Variants in MMP24 observed in about 807,000 individuals in gnomAD.
MMP24 encodes matrix metalloproteinase-24.
MMP24 carries 25 observed loss-of-function variants against 62.8 expected under a neutral mutation model. The observed-to-expected ratio is 0.40, with a 90% CI of 0.29 to 0.56. The LOEUF (loss-of-function observed/expected upper bound fraction) is 0.56. Ranked by LOEUF, MMP24 falls within the 20% of genes least tolerant of loss-of-function variation. MMP24 has a pLI of 0.50. For synonymous variants in MMP24, 319 were observed against 350.5 expected (o/e 0.91, Z 1.00); for missense variants, 634 against 853.6 (o/e 0.74, Z 3.21).
intron 1 of MMP24, among the ~76,000 whole-genome samples, chr20:35,238,211 CATA>C (rs1232558501): frequency 6.6e-6 from 1 of 152,178 alleles, no homozygotes; most frequent in Non-Finnish European, 1.5e-5. Context: ...AAATGGGTAA[CATA>C]GTCAATTATA....
chr20:35,238,924 G>A (rs956922503), intron 1 of MMP24, among the ~76,000 whole-genome samples: 1 of 152,108 alleles, frequency 6.6e-6, no homozygotes, highest in East Asian at 1.9e-4. Flanking sequence ...TTTTAGACAT[G>A]GTCTCATTCT....
chr20:35,275,927 G>C lies in MMP24; in HGVS notation c.*1318G>C. ...CACTGTCTCCAGCAGGAGTTCCTAG[G>C]GCTTGGCCTGCCTTGCTCCACAGTA... is the stretch of plus-strand genomic sequence containing the variant. On this transcript the variant is annotated 3_prime_UTR_variant, in exon 9 of 9. Transcript: ENST00000246186. The C allele has an allele frequency of 2.5e-6, 1 of 398,378 alleles. No individual in the cohort carries two copies. The highest frequency in any genetic ancestry group is 3.6e-5 in the East Asian group (1 of 28,078). 24.7% of individuals were successfully genotyped at this position (398,378 alleles called of 1,614,324 possible).
Position 35,269,668 on chromosome 20 carries a change from G to A in MMP24, c.1195-92G>A, listed in dbSNP as rs1600805863. 15 of 1,435,324 alleles carry A rather than the reference G, an allele frequency of 1.0e-5. No homozygotes were observed. Among genetic ancestry groups the A allele is most frequent in the East Asian group, 1.0e-4 (4 of 40,120 alleles). The allele number at this position is 1,435,324 out of a possible 1,614,324, so 88.9% of individuals were successfully genotyped here. A position where few individuals can be genotyped will look rare whatever the true frequency, so the allele number is the denominator to read the frequency against. On this transcript the variant is annotated intron_variant, in intron 6 of 8. Coordinates refer to ENST00000246186, the MANE Select transcript of MMP24 (RefSeq NM_006690.4). This position sits in a 1 kb window ranked among gnomAD's most constrained non-coding sequence, Gnocchi z 4.6. The stretch of plus-strand genomic sequence containing the variant: ...TAATGGACAGTCTCGGTGGAGGGCT[G>A]GGCTGTTGGGACCTAAGCCCCACAG...
intron 6 of MMP24, chr20:35,267,784 C>T: frequency 6.8e-6 from 2 of 295,062 alleles, no homozygotes; most frequent in Non-Finnish European, 1.3e-5. Context: ...GTACCCGGCT[C>T]TGAAGATGGT....
intron 8 of MMP24, among the ~76,000 whole-genome samples, chr20:35,273,151 G>T (rs1444631869): frequency 6.6e-6 from 1 of 152,132 alleles, no homozygotes; most frequent in Non-Finnish European, 1.5e-5. Context: ...CCAGCACTTT[G>T]GGAGGCTGAG....
intron 2 of MMP24, among the ~76,000 whole-genome samples, chr20:35,248,896 G>A (rs1365650777): frequency 2.6e-5 from 4 of 152,148 alleles, no homozygotes; most frequent in South Asian, 2.1e-4. Context: ...TCTCTGCTGC[G>A]GCACCACCTG....
intron 8 of MMP24, among the ~76,000 whole-genome samples, chr20:35,273,769 G>A (rs2060686338): frequency 6.6e-6 from 1 of 152,182 alleles, no homozygotes; most frequent in Non-Finnish European, 1.5e-5. Context: ...CTCCCAGAAG[G>A]CTCCCAAAGG....
intron 1 of MMP24, among the ~76,000 whole-genome samples, chr20:35,245,820 A>C (rs1421980997): frequency 6.6e-6 from 1 of 152,062 alleles, no homozygotes; most frequent in Non-Finnish European, 1.5e-5. Flanking sequence ...AAAAAAAAAA[A>C]AAAAGAATAA....
rs146964838 is a variant in MMP24, at chr20:35,273,741, C to G, written c.1601-531C>G. Among the ~76,000 whole-genome samples the G allele has an allele frequency of 3.6e-3, 555 of 152,288 alleles. 5 individuals are homozygous for G. The highest frequency in any genetic ancestry group is 0.013 in the African/African-American group (534 of 41,568). On this transcript the variant is annotated intron_variant, in intron 8 of 8. Transcript: ENST00000246186. ...GGGTGGTTGCCCAGGGAGTGATTGG[C>G]AGGGCTGCCCAGCCTCTCTCCCAGA... is the stretch of plus-strand genomic sequence containing the variant.
At chr20:35,252,776 G>A (rs1050863721) in intron 3 of MMP24, among the ~76,000 whole-genome samples, 36 of 146,312 alleles carry the variant, frequency 2.5e-4, no homozygotes, top group Admixed American at 5.4e-4. Context: ...CAGGCATTGA[G>A]CAGGCTCAGG....
intron 5 of MMP24, among the ~76,000 whole-genome samples, chr20:35,265,715 A>AC (rs1190218011): frequency 6.7e-5 from 10 of 150,122 alleles, no homozygotes; most frequent in African/African-American, 2.0e-4. Context: ...CCCTGTCTCT[A>AC]CCCCCCCAAA....
chr20:35,271,581 G>A lies in MMP24; in HGVS notation c.1346G>A (p.Trp449Ter). The A allele has an allele frequency of 6.2e-7, 1 of 1,613,050 alleles. No individual in the cohort carries two copies. The highest frequency in any genetic ancestry group is 8.5e-7 in the Non-Finnish European group (1 of 1,179,562). The change falls in exon 8 of 9, where the codon TGG becomes TAG. Residue 449 changes from tryptophan (W) to a stop codon, truncating the protein, a stop_gained. Transcript: ENST00000246186. LOFTEE classifies it high-confidence loss of function. This position sits in a 1 kb window ranked among gnomAD's most constrained non-coding sequence, Gnocchi z 4.0. Reference protein sequence around the residue: ...RFVFFKGDKYWVFKEVTVEPG... With the variant: ...RFVFFKGDKY ...CTCTTGGCCACAGGTGACAAGTATT[G>A]GGTGTTTAAGGAGGTGACGGTGGAG...
intron 8 of MMP24, among the ~76,000 whole-genome samples, chr20:35,273,437 G>A (rs1458065854): frequency 2.0e-5 from 3 of 151,850 alleles, no homozygotes; most frequent in Non-Finnish European, 4.4e-5. Context: ...AGAGAGCAAC[G>A]AGCTAGAGGG....
Position 35,275,804 on chromosome 20 carries a change from T to C in MMP24, c.*1195T>C, listed in dbSNP as rs1170672797. 2.6e-6 allele frequency: 1 copy of C among 391,342 alleles called. No individual in the cohort carries two copies. Among genetic ancestry groups the C allele is most frequent in the Non-Finnish European group, 4.5e-6 (1 of 221,968 alleles). 24.2% of individuals were successfully genotyped at this position (391,342 alleles called of 1,614,324 possible). A position where few individuals can be genotyped will look rare whatever the true frequency, so the allele number is the denominator to read the frequency against. The stretch of plus-strand genomic sequence containing the variant: ...CTTGGCCCTTGCTGACCTCGCTCAC[T>C]GGGCCCATCTTCCCACACTGCTCTT... On this transcript the variant is annotated 3_prime_UTR_variant, in exon 9 of 9. Transcript: ENST00000246186.
At chr20:35,234,040 C>T (rs2060450300) in intron 1 of MMP24, among the ~76,000 whole-genome samples, 1 of 152,164 alleles carries the variant, frequency 6.6e-6, no homozygotes, top group Non-Finnish European at 1.5e-5. Context: ...TGACTGAGTC[C>T]TTCCCATCTC....
At position 35,253,730 on chromosome 20, in the gene MMP24, A is replaced by G. The variant is rs139886713; in HGVS notation, c.513-720A>G. 1.7e-3 allele frequency among the ~76,000 whole-genome samples: 255 copies of G among 152,334 alleles called. 1 individual carries two copies. The highest frequency in any genetic ancestry group is 5.7e-3 in the African/African-American group (239 of 41,576). ...GGCAGACAAGCCAAAGATTGGTACC[A>G]AAGATTTTTTAAAGAGACTTTTCAC... On this transcript the variant is annotated intron_variant, in intron 3 of 8. Transcript: ENST00000246186.
chr20:35,258,987 C>T (rs77868592), intron 4 of MMP24, among the ~76,000 whole-genome samples: 1 of 152,100 alleles, frequency 6.6e-6, no homozygotes, highest in African/African-American at 2.4e-5. Context: ...TCGAGACCAG[C>T]CTGGCCAACA....
Position 35,271,673 on chromosome 20 carries a change from C to G in MMP24, c.1438C>G (p.Leu480Val), listed in dbSNP as rs1405925827. ...CLPREGIDTA[L>V]RWEPVGKTYF... The stretch of plus-strand genomic sequence containing the variant: ...GCCCCGTGAAGGCATTGACACAGCT[C>G]TGCGCTGGGAACCTGTGGGCAAGAC... Residue 480 changes from leucine (L) to valine (V), a missense_variant, in exon 8 of 9, where the codon CTG (leucine) becomes GTG (valine). Transcript: ENST00000246186. The surrounding 1 kb of genome is among the most constrained non-coding windows in gnomAD (Gnocchi z 4.0). 3 of 1,609,168 alleles carry G rather than the reference C, an allele frequency of 1.9e-6. No individual in the cohort carries two copies. The highest frequency in any genetic ancestry group is 2.5e-6 in the Non-Finnish European group (3 of 1,178,002).
chr20:35,251,795 T>G, intron 2 of MMP24, 110 bp from the exon 3 acceptor site: 4 of 817,606 alleles, frequency 4.9e-6, no homozygotes, highest in African/African-American at 1.7e-5. Context: ...GAGTGTAGCT[T>G]GAGGATGCAC....
Sources: gnomAD v4.1 joint callset for allele counts (sites outside exome capture counted in the v4.1 genomes callset) on GRCh38, gnomAD v4.1.1 for gene constraint, Gnocchi (gnomAD v3.1) non-coding constraint, MANE v1.5 for transcripts, NCBI Gene and HGNC (gene_info 2026-07-23, HGNC 2026-07-21) for gene names.